CPNE8: variants seen among roughly 807,000 people sequenced by gnomAD.
The protein encoded by CPNE8 is copine 8.
In CPNE8, 45 loss-of-function variants were observed where a neutral mutation model predicts 81.5. The observed-to-expected ratio is 0.55, with a 90% CI of 0.44 to 0.71. The LOEUF (loss-of-function observed/expected upper bound fraction) is 0.71, where lower values mean the gene tolerates loss of function less well. Among genes scored for constraint, CPNE8 ranks in the 30% least tolerant of loss-of-function variants. CPNE8 has a pLI of 0.00. For missense variants in CPNE8, 594 were observed against 672.1 expected (o/e 0.88, Z 1.28); for synonymous variants, 252 against 226.3 (o/e 1.11, Z -1.02).
In CPNE8 at chr12:38,839,906, A is replaced by G. The variant is rs569073121; in HGVS notation, c.330+10T>C. 4.5e-6 allele frequency: 7 copies of G among 1,566,748 alleles called. No individual in the cohort carries two copies. In the Admixed American group the frequency reaches 8.9e-5, roughly 20 times the overall value. On this transcript the variant is annotated intron_variant, in intron 5 of 19. Transcript: ENST00000331366. ...TATAATGTTATAAAAACATAAAAAT[A>G]TGAACTTACATGTTTGGATAAGTTG...
At chr12:38,790,997 C>G (rs1640228881) in intron 6 of CPNE8, among the ~76,000 whole-genome samples, 1 of 151,716 alleles carries the variant, frequency 6.6e-6, no homozygotes, top group Admixed American at 6.6e-5. Context: ...TCTTTCACAG[C>G]AGTCTCAGAC....
In CPNE8 at chr12:38,789,262, C is replaced by T. The variant is rs182627180; in HGVS notation, c.408-12961G>A. Among the ~76,000 whole-genome samples, 410 of 151,900 alleles carry T rather than the reference C, an allele frequency of 2.7e-3. 1 individual carries two copies. The highest frequency in any genetic ancestry group is 5.4e-3 in the Admixed American group (83 of 15,234). ...CTGGCATAAAAGTAGACACATAGCC[C>T]AATGGAACAAAATAGAGAACCCAGA... On this transcript the variant is annotated intron_variant, in intron 6 of 19. Coordinates refer to ENST00000331366, the MANE Select transcript of CPNE8 (RefSeq NM_153634.3).
chr12:38,874,327 C>T (rs974751187), intron 2 of CPNE8, 144 bp downstream of exon 2: 4 of 611,636 alleles, frequency 6.5e-6, no homozygotes, highest in East Asian at 3.0e-5. Flanking sequence ...CAGTACTGCC[C>T]GGGGTTGATG....
intron 5 of CPNE8, among the ~76,000 whole-genome samples, 159 bp from the exon 6 acceptor site, chr12:38,829,614 A>G (rs1009152721): frequency 5.3e-5 from 8 of 152,234 alleles, no homozygotes; most frequent in Admixed American, 5.2e-4. Flanking sequence ...TAATCTTACC[A>G]TGTGACTTTC....
intron 5 of CPNE8, among the ~76,000 whole-genome samples, chr12:38,830,388 G>A (rs78669103): frequency 0.013 from 1,933 of 152,222 alleles, 47 homozygotes; most frequent in African/African-American, 0.043. Flanking sequence ...CTGATGTTCT[G>A]ATTCCAGACT....
At chr12:38,838,129 G>A (rs1467291359) in intron 5 of CPNE8, among the ~76,000 whole-genome samples, 1 of 152,074 alleles carries the variant, frequency 6.6e-6, no homozygotes, top group Non-Finnish European at 1.5e-5. Context: ...CAACCCCATG[G>A]AAATGTCCTT....
intron 13 of CPNE8, among the ~76,000 whole-genome samples, chr12:38,717,499 A>C (rs1217091645): frequency 1.4e-5 from 2 of 142,134 alleles, no homozygotes. Context: ...GGAACAAAAT[A>C]ATGTCTTTTG....
rs1036205473 is a variant in CPNE8 at position 38,670,820 on chromosome 12, A to T, written c.1433-18T>A. The T allele has an allele frequency of 6.3e-7, 1 of 1,580,164 alleles. No homozygotes were observed. Among genetic ancestry groups the T allele is most frequent in the Non-Finnish European group, 8.7e-7 (1 of 1,153,112 alleles). On this transcript the variant is annotated intron_variant, in intron 18 of 19. Transcript: ENST00000331366. ...GACCATTGCTTTAAGAGAAAATATG[A>T]TCATTTATTCAGTACATTTTAGCCA... is the stretch of plus-strand genomic sequence containing the variant.
chr12:38,776,583 T>C lies in CPNE8; in HGVS notation c.408-282A>G, dbSNP rs2136892156. Among the ~76,000 whole-genome samples the C allele has an allele frequency of 1.3e-5, 2 of 152,072 alleles. 1 individual carries two copies. The highest frequency in any genetic ancestry group is 4.1e-4 in the South Asian group (2 of 4,828). Reference sequence around the variant, plus strand: ...CCTCGGCCTCCCAAAGTGCCGGTATTACAGGCATGAGCTACCACACCCGGC... The same window carrying C: ...CCTCGGCCTCCCAAAGTGCCGGTATCACAGGCATGAGCTACCACACCCGGC... On this transcript the variant is annotated intron_variant, in intron 6 of 19. Coordinates refer to ENST00000331366, the MANE Select transcript of CPNE8 (RefSeq NM_153634.3).
chr12:38,692,966 G>A (rs1320763099), intron 15 of CPNE8, among the ~76,000 whole-genome samples: 1 of 152,108 alleles, frequency 6.6e-6, no homozygotes, highest in Non-Finnish European at 1.5e-5. Context: ...GGGAAAGCTG[G>A]CTGCTACATA....
intron 3 of CPNE8, among the ~76,000 whole-genome samples, chr12:38,867,654 C>T (rs1242365626): frequency 2.0e-5 from 3 of 152,078 alleles, no homozygotes; most frequent in Non-Finnish European, 2.9e-5. Context: ...CTATGGATAA[C>T]TAAAATCTAA....
At chr12:38,825,409 G>C (rs1399610485) in intron 6 of CPNE8, among the ~76,000 whole-genome samples, 1 of 151,968 alleles carries the variant, frequency 6.6e-6, no homozygotes, top group Non-Finnish European at 1.5e-5. Flanking sequence ...GGAAGAGCAG[G>C]AGTTAGCAAG....
chr12:38,806,632 C>A (rs1009223049), intron 6 of CPNE8, among the ~76,000 whole-genome samples: 2 of 145,416 alleles, frequency 1.4e-5, no homozygotes, highest in African/African-American at 2.5e-5. Context: ...TATGACAAAC[C>A]CACAGCCAAT....
At chr12:38,758,074 T>G (rs573077703) in intron 10 of CPNE8, among the ~76,000 whole-genome samples, 3 of 152,134 alleles carry the variant, frequency 2.0e-5, no homozygotes, top group Non-Finnish European at 4.4e-5. Flanking sequence ...AAATCTGATG[T>G]CTCAAAAGTA....
chr12:38,771,773 G>C (rs1008395176), intron 7 of CPNE8, among the ~76,000 whole-genome samples: 6 of 152,100 alleles, frequency 3.9e-5, no homozygotes, highest in Admixed American at 3.9e-4. Context: ...TCTTGGATAT[G>C]ATACAAAAGC....
chr12:38,835,095 C>G (rs11613205), intron 5 of CPNE8, among the ~76,000 whole-genome samples: 36,292 of 151,992 alleles, frequency 0.24, 5,464 homozygotes, highest in Non-Finnish European at 0.33. Context: ...CCACGTTGGC[C>G]AGGATGGTCT....
intron 19 of CPNE8, among the ~76,000 whole-genome samples, chr12:38,659,905 A>G (rs1938913442): frequency 6.6e-6 from 1 of 152,170 alleles, no homozygotes; most frequent in African/African-American, 2.4e-5. Flanking sequence ...TCCAACTTAC[A>G]AGGGATGTGA....
intron 1 of CPNE8, among the ~76,000 whole-genome samples, chr12:38,884,416 A>T (rs1944209443): frequency 6.6e-6 from 1 of 152,110 alleles, no homozygotes; most frequent in Admixed American, 6.6e-5. Context: ...TATTGTATGG[A>T]TATACTACTT....
chr12:38,789,150 C>A (rs1351849007), intron 6 of CPNE8, among the ~76,000 whole-genome samples: 1 of 151,768 alleles, frequency 6.6e-6, no homozygotes, highest in South Asian at 2.1e-4. Context: ...CCAAAACTAT[C>A]CTAAGCAAAA....
Sources: allele counts gnomAD v4.1 joint callset (sites outside exome capture counted in the v4.1 genomes callset), GRCh38; gene constraint gnomAD v4.1.1; transcripts MANE v1.5; gene names NCBI Gene and HGNC (gene_info 2026-07-23, HGNC 2026-07-21).